FAM20A: variants seen among roughly 807,000 people sequenced by gnomAD.
FAM20A encodes the protein FAM20A golgi associated secretory pathway pseudokinase.
FAM20A carries 42 observed loss-of-function variants against 52.0 expected under a neutral mutation model. That is an observed-to-expected ratio of 0.81 (90% confidence interval 0.63 to 1.04). FAM20A has a LOEUF of 1.04. FAM20A is among the 50% of genes least tolerant of loss of function. The pLI is 0.00. For synonymous variants in FAM20A, 304 were observed against 298.9 expected (o/e 1.02, Z -0.18); for missense variants, 742 against 712.7 (o/e 1.04, Z -0.47).
chr17:68,592,708 C>T (rs924760752), intron 1 of FAM20A, among the ~76,000 whole-genome samples: 1 of 152,216 alleles, frequency 6.6e-6, no homozygotes, highest in African/African-American at 2.4e-5. Context: ...AGTCCATGTA[C>T]CCTGTGCCAA....
Position 68,551,724 on chromosome 17 carries a change from T to TATTATTATC in FAM20A, c.719+148_719+149insGATAATAAT, listed in dbSNP as rs34614921. The stretch of plus-strand genomic sequence containing the variant: ...TTATTATTATTATTATTATTATTAT[T>TATTATTATC]ATCACCCCAAACAGTTCTGTGCTTG... On this transcript the variant is annotated intron_variant, in intron 4 of 10. Coordinates refer to ENST00000592554, the MANE Select transcript of FAM20A (RefSeq NM_017565.4). 0.049 allele frequency: 14,500 copies of TATTATTATC among 293,288 alleles called. 661 individuals are homozygous for TATTATTATC. Among genetic ancestry groups the TATTATTATC allele is most frequent in the African/African-American group, 0.059 (2,208 of 37,700 alleles). The allele number at this position is 293,288 out of a possible 1,614,324, so 18.2% of individuals were successfully genotyped here.
rs779236117 is a variant in FAM20A at position 68,536,733 on chromosome 17, C to G, written c.*744G>C. 1 of 453,974 alleles carries G rather than the reference C, an allele frequency of 2.2e-6. No individual in the cohort carries two copies. Among genetic ancestry groups the G allele is most frequent in the South Asian group, 1.6e-5 (1 of 64,460 alleles). 28.1% of individuals were successfully genotyped at this position (453,974 alleles called of 1,614,324 possible). On this transcript the variant is annotated 3_prime_UTR_variant, in exon 11 of 11. Coordinates refer to ENST00000592554, the MANE Select transcript of FAM20A (RefSeq NM_017565.4). The stretch of plus-strand genomic sequence containing the variant: ...TGCCATCCTGACCTTGGAGGACTTT[C>G]CTTTTTTTTTCCTTCGTTGTAATTA...
chr17:68,543,495 G>A (rs2086404620), intron 5 of FAM20A, 134 bp downstream of exon 5: 4 of 758,454 alleles, frequency 5.3e-6, no homozygotes, highest in African/African-American at 5.1e-5. Context: ...AAGACACCAC[G>A]ATGAGGCACG....
At chr17:68,544,516 G>A (rs974760907) in intron 4 of FAM20A, among the ~76,000 whole-genome samples, 13 of 152,182 alleles carry the variant, frequency 8.5e-5, no homozygotes, top group Non-Finnish European at 1.5e-5. Context: ...AATCCACTGT[G>A]TGGGACTGTT....
chr17:68,560,176 C>T (rs1192612533), intron 1 of FAM20A, among the ~76,000 whole-genome samples: 1 of 152,060 alleles, frequency 6.6e-6, no homozygotes, highest in Non-Finnish European at 1.5e-5. Flanking sequence ...TCATGATCCA[C>T]CCGCCTCGGC....
intron 1 of FAM20A, among the ~76,000 whole-genome samples, chr17:68,570,454 C>T (rs144727894): frequency 3.9e-4 from 59 of 152,244 alleles, no homozygotes; most frequent in African/African-American, 1.3e-3. Flanking sequence ...TTCAGGAGAA[C>T]GACTTTCTGT....
intron 1 of FAM20A, among the ~76,000 whole-genome samples, chr17:68,591,601 A>C (rs1437425950): frequency 6.6e-6 from 1 of 152,258 alleles, no homozygotes; most frequent in Non-Finnish European, 1.5e-5. Context: ...GAGACAGCTA[A>C]GGGTCCCTGG....
At chr17:68,564,863 C>T (rs11656128) in intron 1 of FAM20A, among the ~76,000 whole-genome samples, 24,896 of 151,952 alleles carry the variant, frequency 0.16, 2,276 homozygotes, top group East Asian at 0.34. Flanking sequence ...GAGGGCAGAG[C>T]CACTGGGGTG....
In FAM20A at chr17:68,535,576, G is replaced by A; in HGVS notation, c.*1901C>T. On this transcript the variant is annotated 3_prime_UTR_variant, in exon 11 of 11. Coordinates refer to ENST00000592554, the MANE Select transcript of FAM20A (RefSeq NM_017565.4). Reference sequence around the variant, plus strand: ...TCTTGAAGCAGGAGAGACAGTGAATGAAGTGGGGAGCCCTATGCTGCAGTA... The same window carrying A: ...TCTTGAAGCAGGAGAGACAGTGAATAAAGTGGGGAGCCCTATGCTGCAGTA... 4.4e-6 allele frequency: 2 copies of A among 454,084 alleles called. No homozygotes were observed. The highest frequency in any genetic ancestry group is 3.1e-5 in the South Asian group (2 of 64,480). 28.1% of individuals were successfully genotyped at this position (454,084 alleles called of 1,614,324 possible). A position where few individuals can be genotyped will look rare whatever the true frequency, so the allele number is the denominator to read the frequency against.
rs375219763 is a variant in FAM20A at position 68,540,834 on chromosome 17, C to T, written c.1219+15G>A. On this transcript the variant is annotated intron_variant, in intron 8 of 10. Transcript: ENST00000592554. ...AGAGCCCACTTCTGCTGGGGGCCTGCGTGTGGGGACCTACCTATCAAGAAG... is the reference window on the plus strand; with the variant it reads ...AGAGCCCACTTCTGCTGGGGGCCTGTGTGTGGGGACCTACCTATCAAGAAG... 24 of 1,584,190 alleles carry T rather than the reference C, an allele frequency of 1.5e-5. No homozygotes were observed. Among genetic ancestry groups the T allele is most frequent in the East Asian group, 4.5e-5 (2 of 44,050 alleles).
intron 4 of FAM20A, 22 bp from the exon 5 acceptor site, chr17:68,543,743 C>T (rs371200043): frequency 4.9e-5 from 78 of 1,598,034 alleles, no homozygotes; most frequent in Non-Finnish European, 5.8e-5. Context: ...GAAGGAATCA[C>T]GCCCTGGACT....
At chr17:68,542,666 C>A (rs775899911) in intron 6 of FAM20A, 28 bp downstream of exon 6, 1 of 1,565,428 alleles carries the variant, frequency 6.4e-7, no homozygotes, top group East Asian at 2.2e-5. Flanking sequence ...TACTCAGACC[C>A]GGAATATCAC....
At chr17:68,570,294 G>T (rs1314903724) in intron 1 of FAM20A, among the ~76,000 whole-genome samples, 3 of 152,060 alleles carry the variant, frequency 2.0e-5, no homozygotes, top group Non-Finnish European at 4.4e-5. Context: ...GGCTGGTCTT[G>T]AACTCCTGAC....
At chr17:68,557,117 T>C (rs2087075065) in intron 1 of FAM20A, among the ~76,000 whole-genome samples, 1 of 151,898 alleles carries the variant, frequency 6.6e-6, no homozygotes, top group African/African-American at 2.4e-5. Context: ...GGAGAATCAC[T>C]TGAACCCAGG....
In FAM20A at chr17:68,552,666, C is replaced by CTTTT. The variant is rs576230517; in HGVS notation, c.641-719_641-716dup. On this transcript the variant is annotated intron_variant, in intron 3 of 10. Transcript: ENST00000592554. ...TGGAGCCCTGTAAACCTTTATTTTC[C>CTTTT]TTTTTTTTTTTTTTTTTTTTTTTTT... 8.8e-4 allele frequency among the ~76,000 whole-genome samples: 59 copies of CTTTT among 66,844 alleles called. 2 individuals are homozygous for CTTTT. Among genetic ancestry groups the CTTTT allele is most frequent in the Admixed American group, 1.5e-3 (7 of 4,692 alleles). 43.9% of individuals were successfully genotyped at this position (66,844 alleles called of 152,430 possible).
chr17:68,540,067 G>GA (rs2143463990), intron 8 of FAM20A, 101 bp from the exon 9 acceptor site: 2 of 1,005,756 alleles, frequency 2.0e-6, no homozygotes, highest in East Asian at 4.9e-5. Flanking sequence ...CATCACTTGA[G>GA]AGACAGGGGT....
chr17:68,581,416 TTTTC>T (rs1568774417), intron 1 of FAM20A, among the ~76,000 whole-genome samples: 12 of 120,124 alleles, frequency 1.0e-4, no homozygotes, highest in South Asian at 2.7e-4. Context: ...CTTTCTTTCT[TTTTC>T]TCTTTTCTTT....
At chr17:68,552,448 C>T (rs2086879191) in intron 3 of FAM20A, among the ~76,000 whole-genome samples, 1 of 152,054 alleles carries the variant, frequency 6.6e-6, no homozygotes. Flanking sequence ...AGACTGTACA[C>T]CTGGGCTGGG....
intron 1 of FAM20A, among the ~76,000 whole-genome samples, chr17:68,581,437 TTTC>T (rs1388232133): frequency 1.9e-5 from 2 of 103,842 alleles, no homozygotes; most frequent in Non-Finnish European, 3.7e-5. Flanking sequence ...CTTTCTTTCT[TTTC>T]TTTTTTTCTT....
Sources: gnomAD v4.1 joint callset for allele counts (sites outside exome capture counted in the v4.1 genomes callset) on GRCh38, gnomAD v4.1.1 for gene constraint, MANE v1.5 for transcripts, NCBI Gene and HGNC (gene_info 2026-07-23, HGNC 2026-07-21) for gene names.